KLHDC9: variants seen among roughly 807,000 people sequenced by gnomAD.
The protein encoded by KLHDC9 is kelch domain-containing protein 9.
In KLHDC9, 26 loss-of-function variants were observed where a neutral mutation model predicts 31.5. The observed-to-expected ratio is 0.83, with a 90% CI of 0.61 to 1.15. The LOEUF is 1.15. Ranked by LOEUF, KLHDC9 falls within the 50% of genes most tolerant of loss-of-function variation. The pLI, the probability that KLHDC9 is intolerant of heterozygous loss-of-function variation, is 0.00. For synonymous variants in KLHDC9, 176 were observed against 184.7 expected, an observed-to-expected ratio of 0.95 and a Z score of 0.38; for missense variants, 437 against 467.7, an observed-to-expected ratio of 0.93 and a Z score of 0.61.
Position 161,098,555 on chromosome 1 carries a change from C to G in KLHDC9, c.20C>G (p.Pro7Arg). The G allele has an allele frequency of 6.4e-7, 1 of 1,556,422 alleles. No individual in the cohort carries two copies. Reference protein sequence around the residue: MAVAVPPGRAAGSGWAW... With the variant: MAVAVPRGRAAGSGWAW... ...GGGCCCATGGCGGTGGCCGTGCCCC[C>G]GGGTCGGGCCGCAGGCTCAGGCTGG... Residue 7 changes from proline (P) to arginine (R), a missense_variant, in exon 1 of 4, where the codon CCG becomes CGG. Physicochemically the swap from Pro to Arg is moderately radical, Grantham distance 103. Coordinates refer to ENST00000368011, the MANE Select transcript of KLHDC9 (RefSeq NM_152366.5). This position sits in a 1 kb window ranked among gnomAD's most constrained non-coding sequence, Gnocchi z 6.3.
Position 161,098,389 on chromosome 1 carries a change from A to T in KLHDC9, c.-147A>T. The T allele has an allele frequency of 1.5e-6, 1 of 675,272 alleles. No individual in the cohort carries two copies. Among genetic ancestry groups the T allele is most frequent in the Non-Finnish European group, 2.4e-6 (1 of 420,574 alleles). The allele number at this position is 675,272 out of a possible 1,614,324, so 41.8% of individuals were successfully genotyped here. A position where few individuals can be genotyped will look rare whatever the true frequency, so the allele number is the denominator to read the frequency against. On this transcript the variant is annotated 5_prime_UTR_variant, in exon 1 of 4. Coordinates refer to ENST00000368011, the MANE Select transcript of KLHDC9 (RefSeq NM_152366.5). This position sits in a 1 kb window ranked among gnomAD's most constrained non-coding sequence, Gnocchi z 6.3. ...GTGGTTGCTGGGCGACCACGGAGAGAAAGCCGGGACTTGAGGTGGGAACCC... is the reference window on the plus strand; with the variant it reads ...GTGGTTGCTGGGCGACCACGGAGAGTAAGCCGGGACTTGAGGTGGGAACCC...
At position 161,098,607 on chromosome 1, in the gene KLHDC9, G is replaced by C. The variant is rs756823181; in HGVS notation, c.72G>C (p.Ala24=). The C allele has an allele frequency of 1.9e-6, 3 of 1,601,760 alleles. No homozygotes were observed. Among genetic ancestry groups the C allele is most frequent in the Non-Finnish European group, 2.6e-6 (3 of 1,174,428 alleles). ...GWAWRPVARD[A]LLARAFHSCT... ...CCTGGAGGCCAGTGGCGCGGGACGCGCTTTTGGCTAGAGCTTTCCATTCAT... is the reference window on the plus strand; with the variant it reads ...CCTGGAGGCCAGTGGCGCGGGACGCCCTTTTGGCTAGAGCTTTCCATTCAT... The change falls in exon 1 of 4, where the codon GCG becomes GCC. Residue 24 remains alanine (A), a synonymous_variant. Coordinates refer to ENST00000368011, the MANE Select transcript of KLHDC9 (RefSeq NM_152366.5). This position sits in a 1 kb window ranked among gnomAD's most constrained non-coding sequence, Gnocchi z 6.3.
Position 161,099,358 on chromosome 1 carries a change from A to G in KLHDC9, c.540A>G (p.Glu180=). Residue 180 remains glutamate, a synonymous_variant, in exon 2 of 4, where the codon GAA becomes GAG. Coordinates refer to ENST00000368011, the MANE Select transcript of KLHDC9 (RefSeq NM_152366.5). The part of the protein sequence containing the change: ...PSARTYCYKQ[E]GCHTASRSGH... ...TGCATGTCCACAGCTACAAGCAAGAAGGCTGCCACACAGCCTCACGCTCAG... is the reference window on the plus strand; with the variant it reads ...TGCATGTCCACAGCTACAAGCAAGAGGGCTGCCACACAGCCTCACGCTCAG... The G allele has an allele frequency of 6.2e-7, 1 of 1,614,222 alleles. No homozygotes were observed. The highest frequency in any genetic ancestry group is 8.5e-7 in the Non-Finnish European group (1 of 1,180,040).
chr1:161,100,288 T>C lies in KLHDC9; in HGVS notation c.*64T>C. ...GCTTTGTTGCAAACCTATAAAGCGT[T>C]ATCACCAGAGCTATCTGCTTCACTT... On this transcript the variant is annotated 3_prime_UTR_variant, in exon 4 of 4. Transcript: ENST00000368011. 6.8e-7 allele frequency: 1 copy of C among 1,461,882 alleles called. No individual in the cohort carries two copies. The highest frequency in any genetic ancestry group is 9.5e-7 in the Non-Finnish European group (1 of 1,057,440). 90.6% of individuals were successfully genotyped at this position (1,461,882 alleles called of 1,614,324 possible).
In KLHDC9 at chr1:161,098,850, C is replaced by T. The variant is rs773592833; in HGVS notation, c.315C>T (p.Ala105=). ...VGGWDGSRRL[A]TVTALDTERG... is the part of the protein sequence containing the mutation. ...GCTGGGACGGGTCTCGCCGCTTGGC[C>T]ACAGTGACCGCACTGGACACAGAGC... Residue 105 remains alanine, a synonymous_variant, in exon 1 of 4, where the codon GCC becomes GCT. Transcript: ENST00000368011. This position sits in a 1 kb window ranked among gnomAD's most constrained non-coding sequence, Gnocchi z 6.3. 59 of 1,579,662 alleles carry T rather than the reference C, an allele frequency of 3.7e-5. No homozygotes were observed. The Admixed American group carries it at 4.0e-4, about 11-fold the overall frequency.
At position 161,100,026 on chromosome 1, in the gene KLHDC9, T is replaced by C. The variant is rs201617975; in HGVS notation, c.887-35T>C. The C allele has an allele frequency of 3.7e-4, 594 of 1,610,316 alleles. 5 individuals carry two copies. The Middle Eastern group carries it at 8.8e-3, about 24-fold the overall frequency. The stretch of plus-strand genomic sequence containing the variant: ...AATTCTGTGAATGACAAAGTGCTAC[T>C]GCCTCAATAACCACCCTCTGCCCGT... On this transcript the variant is annotated intron_variant, in intron 3 of 3. Transcript: ENST00000368011.
Position 161,098,374 on chromosome 1 carries a change from G to A in KLHDC9, c.-162G>A, listed in dbSNP as rs1404038229. The A allele has an allele frequency of 6.3e-6, 4 of 633,704 alleles. No homozygotes were observed. The highest frequency in any genetic ancestry group is 5.7e-5 in the African/African-American group (3 of 52,868). The allele number at this position is 633,704 out of a possible 1,614,324, so 39.3% of individuals were successfully genotyped here. A position where few individuals can be genotyped will look rare whatever the true frequency, so the allele number is the denominator to read the frequency against. ...GCTGCAGCCGCTGCAGTGGTTGCTGGGCGACCACGGAGAGAAAGCCGGGAC... is the reference window on the plus strand; with the variant it reads ...GCTGCAGCCGCTGCAGTGGTTGCTGAGCGACCACGGAGAGAAAGCCGGGAC... On this transcript the variant is annotated 5_prime_UTR_variant, in exon 1 of 4. Transcript: ENST00000368011. The surrounding 1 kb of genome is among the most constrained non-coding windows in gnomAD (Gnocchi z 6.3).
At position 161,100,263 on chromosome 1, in the gene KLHDC9, G is replaced by C. The variant is rs1654517652; in HGVS notation, c.*39G>C. The C allele has an allele frequency of 6.3e-7, 1 of 1,590,094 alleles. No individual in the cohort carries two copies. Among genetic ancestry groups the C allele is most frequent in the Non-Finnish European group, 8.6e-7 (1 of 1,161,966 alleles). On this transcript the variant is annotated 3_prime_UTR_variant, in exon 4 of 4. Coordinates refer to ENST00000368011, the MANE Select transcript of KLHDC9 (RefSeq NM_152366.5). The stretch of plus-strand genomic sequence containing the variant: ...ACATCACTAAGCCTCGTTTTGTTTT[G>C]CTTTGTTGCAAACCTATAAAGCGTT...
Position 161,099,139 on chromosome 1 carries a change from G to A in KLHDC9, c.527+77G>A, listed in dbSNP as rs547642916. On this transcript the variant is annotated intron_variant, in intron 1 of 3. Coordinates refer to ENST00000368011, the MANE Select transcript of KLHDC9 (RefSeq NM_152366.5). Reference sequence around the variant, plus strand: ...ACAAAAGCCTAAGCAGATTTCTCAGGCAATTTATCCACCTCCTCACTCTAG... The same window carrying A: ...ACAAAAGCCTAAGCAGATTTCTCAGACAATTTATCCACCTCCTCACTCTAG... The A allele has an allele frequency of 6.1e-5, 91 of 1,490,506 alleles. 1 individual carries two copies. Among genetic ancestry groups the A allele is most frequent in the Non-Finnish European group, 7.7e-5 (84 of 1,097,920 alleles). The allele number at this position is 1,490,506 out of a possible 1,614,324, so 92.3% of individuals were successfully genotyped here.
At chr1:161,099,236 C>T (rs1289632548) in intron 1 of KLHDC9, 110 bp from the exon 2 acceptor site, 1 of 1,379,630 alleles carries the variant, frequency 7.2e-7, no homozygotes, top group Non-Finnish European at 1.0e-6. Flanking sequence ...TCCCTCTTAT[C>T]CCACCTACCG....
At position 161,098,677 on chromosome 1, in the gene KLHDC9, G is replaced by A. The variant is rs1177344356; in HGVS notation, c.142G>A (p.Ala48Thr). The A allele has an allele frequency of 3.1e-6, 5 of 1,613,288 alleles. No homozygotes were observed. Among genetic ancestry groups the A allele is most frequent in the Non-Finnish European group, 4.2e-6 (5 of 1,179,558 alleles). The change falls in exon 1 of 4, where the codon GCA becomes ACA. Residue 48 changes from alanine to threonine, a missense_variant. Transcript: ENST00000368011. This position sits in a 1 kb window ranked among gnomAD's most constrained non-coding sequence, Gnocchi z 6.3. ...GTTCTATCTCGTAGGTGGTCTCCTA[G>A]CAGGAGGAGCGAGAGAGCCCAGCAG... The part of the protein sequence containing the change: ...GRFYLVGGLL[A>T]GGAREPSSDT...
chr1:161,099,597 G>A lies in KLHDC9; in HGVS notation c.688-1G>A, dbSNP rs768750539. On this transcript the variant is annotated splice_acceptor_variant, in intron 2 of 3. Transcript: ENST00000368011. LOFTEE classifies it high-confidence loss of function. ...CGGACAGTCCTTTCTTTCTCCCCAA[G>A]GAGGAACCACCTGTTGCTCCTCATT... 6.2e-7 allele frequency: 1 copy of A among 1,614,208 alleles called. No individual in the cohort carries two copies. Among genetic ancestry groups the A allele is most frequent in the Non-Finnish European group, 8.5e-7 (1 of 1,180,040 alleles).
rs11576830 is a variant in KLHDC9, at chr1:161,099,046, A to C, written c.511A>C (p.Ser171Arg). 0.29 allele frequency: 456,832 copies of C among 1,595,180 alleles called. 67,436 individuals are homozygous for C. The highest frequency in any genetic ancestry group is 0.38 in the East Asian group (17,166 of 44,594). Reference protein sequence around the residue: ...GSIYTLRLDPSARTYCYKQEG... With the variant: ...GSIYTLRLDPRARTYCYKQEG... ...CATCTACACATTAAGGCTGGACCCC[A>C]GCGCCCGCACCTATTGGTATGGCAC... Residue 171 changes from serine (S) to arginine (R), a missense_variant, in exon 1 of 4, where the codon AGC becomes CGC. Coordinates refer to ENST00000368011, the MANE Select transcript of KLHDC9 (RefSeq NM_152366.5).
In KLHDC9 at chr1:161,098,481, TG is replaced by T; in HGVS notation, c.-54del. ...GGAAGGCGAGGTGCCTGGCCTGCCA[TG>T]TAGGGGCTCGTTCCAAGCCGCAGAC... On this transcript the variant is annotated 5_prime_UTR_variant, in exon 1 of 4. The change abolishes an upstream ATG in the 5' untranslated region. Transcript: ENST00000368011. The surrounding 1 kb of genome is among the most constrained non-coding windows in gnomAD (Gnocchi z 6.3). The T allele has an allele frequency of 2.1e-6, 3 of 1,438,146 alleles. No individual in the cohort carries two copies. Among genetic ancestry groups the T allele is most frequent in the Non-Finnish European group, 2.8e-6 (3 of 1,080,556 alleles). 89.1% of individuals were successfully genotyped at this position (1,438,146 alleles called of 1,614,324 possible). A position where few individuals can be genotyped will look rare whatever the true frequency, so the allele number is the denominator to read the frequency against.
intron 3 of KLHDC9, 91 bp from the exon 4 acceptor site, chr1:161,099,970 A>C: frequency 6.6e-7 from 1 of 1,510,070 alleles, no homozygotes; most frequent in Non-Finnish European, 9.1e-7. Context: ...AAGTGAGCAG[A>C]AAAACAATGG....
intron 2 of KLHDC9, 39 bp downstream of exon 2, chr1:161,099,544 G>C: frequency 6.2e-7 from 1 of 1,614,104 alleles, no homozygotes; most frequent in Non-Finnish European, 8.5e-7. Context: ...GATGGGAAGA[G>C]GCTAAAATTG....
chr1:161,099,926 C>T, intron 3 of KLHDC9, 130 bp downstream of exon 3: 8 of 1,327,580 alleles, frequency 6.0e-6, no homozygotes, highest in Non-Finnish European at 8.6e-6. Flanking sequence ...AAGGAGTACA[C>T]AGAATATTAA....
chr1:161,098,796 G>T lies in KLHDC9; in HGVS notation c.261G>T (p.Val87=). The change falls in exon 1 of 4, where the codon GTG becomes GTT. Residue 87 remains valine, a synonymous_variant. Coordinates refer to ENST00000368011, the MANE Select transcript of KLHDC9 (RefSeq NM_152366.5). The surrounding 1 kb of genome is among the most constrained non-coding windows in gnomAD (Gnocchi z 6.3). ...GCAGTCACCACGACGCGGCACCCGT[G>T]GACGGGCGTTGGCTCTGCGTGGTGG... is the stretch of plus-strand genomic sequence containing the variant. ...PPRSHHDAAP[V]DGRWLCVVGG... is the part of the protein sequence containing the mutation. The T allele has an allele frequency of 6.3e-7, 1 of 1,590,396 alleles. No individual in the cohort carries two copies. The highest frequency in any genetic ancestry group is 8.6e-7 in the Non-Finnish European group (1 of 1,168,594).
At chr1:161,099,955 A>C in intron 3 of KLHDC9, 106 bp from the exon 4 acceptor site, 1 of 1,450,278 alleles carries the variant, frequency 6.9e-7, no homozygotes, top group East Asian at 2.3e-5. Context: ...AGAGGCCTAC[A>C]AATCAAGTGA....
Sources: allele counts gnomAD v4.1 joint callset, GRCh38; gene constraint gnomAD v4.1.1; non-coding constraint Gnocchi (gnomAD v3.1); transcripts MANE v1.5; gene names NCBI Gene and HGNC (gene_info 2026-07-23, HGNC 2026-07-21).